Variants in FRMD4A observed in about 807,000 individuals in gnomAD.
FRMD4A encodes FERM domain-containing protein 4A.
FRMD4A carries 29 observed loss-of-function variants against 129.1 expected under a neutral mutation model. The ratio of observed to expected loss-of-function variants is 0.22; its 90% CI spans 0.17 to 0.31. The LOEUF (loss-of-function observed/expected upper bound fraction) is 0.31, where lower values mean the gene tolerates loss of function less well. Ranked by LOEUF, FRMD4A falls within the 10% of genes least tolerant of loss-of-function variation. The probability of loss-of-function intolerance (pLI) is 1.00; values close to 1 mark genes in which losing one functional copy is unlikely to be tolerated. For missense variants in FRMD4A, 1,272 were observed against 1,375.8 expected (o/e 0.92, Z 1.19); for synonymous variants, 634 against 571.6 (o/e 1.11, Z -1.56).
intron 2 of FRMD4A, among the ~76,000 whole-genome samples, chr10:14,309,772 G>A (rs981709878): frequency 5.3e-5 from 8 of 152,006 alleles, no homozygotes; most frequent in Admixed American, 3.3e-4. Context: ...ATCAGCCCAC[G>A]ACCATTTCCT....
At chr10:13,726,153 G>A (rs1432551866) in intron 12 of FRMD4A, among the ~76,000 whole-genome samples, 2 of 152,084 alleles carry the variant, frequency 1.3e-5, no homozygotes, top group Non-Finnish European at 2.9e-5. Context: ...ACACGCCCGT[G>A]GCTCCAGCTA....
chr10:13,824,976 A>G (rs2093680361), intron 3 of FRMD4A, among the ~76,000 whole-genome samples: 1 of 151,958 alleles, frequency 6.6e-6, no homozygotes, highest in Admixed American at 6.6e-5. Flanking sequence ...TATGCAAATG[A>G]CATCACACTT....
chr10:13,701,623 A>G, intron 13 of FRMD4A, 145 bp from the exon 14 acceptor site: 1 of 504,942 alleles, frequency 2.0e-6, no homozygotes, highest in South Asian at 2.5e-5. Context: ...ACCTAGGCGT[A>G]CACACACACA....
At chr10:14,005,006 A>ATTTC (rs200719267) in intron 2 of FRMD4A, among the ~76,000 whole-genome samples, 2,911 of 150,404 alleles carry the variant, frequency 0.019, 48 homozygotes, top group East Asian at 0.09. Context: ...GGCATTTTAT[A>ATTTC]TTTCTTTCTT....
chr10:13,699,111 A>G (rs1217185658), intron 14 of FRMD4A, among the ~76,000 whole-genome samples: 1 of 143,458 alleles, frequency 7.0e-6, no homozygotes, highest in African/African-American at 2.6e-5. Flanking sequence ...GCTGGAGTGC[A>G]GTGGTGTGAT....
intron 2 of FRMD4A, among the ~76,000 whole-genome samples, chr10:13,888,902 A>G (rs947320715): frequency 1.3e-5 from 2 of 152,268 alleles, no homozygotes; most frequent in Non-Finnish European, 2.9e-5. Context: ...TTTTCTTAAA[A>G]TATGCAAAAA....
intron 15 of FRMD4A, among the ~76,000 whole-genome samples, chr10:13,691,622 CAG>C (rs1260306713): frequency 1.3e-5 from 2 of 152,188 alleles, no homozygotes; most frequent in African/African-American, 4.8e-5. Context: ...CCCAGACCTA[CAG>C]AATCAGGAGC....
intron 5 of FRMD4A, among the ~76,000 whole-genome samples, chr10:13,786,192 G>A (rs950246499): frequency 3.1e-4 from 47 of 152,158 alleles, no homozygotes; most frequent in Admixed American, 5.2e-4. Flanking sequence ...TTGAGGAATC[G>A]CCACACTGTC....
intron 2 of FRMD4A, among the ~76,000 whole-genome samples, chr10:13,933,834 G>T (rs113725309): frequency 2.0e-5 from 3 of 152,304 alleles, no homozygotes; most frequent in East Asian, 1.9e-4. Flanking sequence ...AGACAAGCTG[G>T]CTAGGGGAGC....
chr10:14,059,199 C>T (rs566046186), intron 2 of FRMD4A, among the ~76,000 whole-genome samples: 1 of 152,256 alleles, frequency 6.6e-6, no homozygotes, highest in African/African-American at 2.4e-5. Flanking sequence ...AATAAAATCA[C>T]GTGGTTACTG....
At chr10:13,681,552 A>T (rs1175599482) in intron 15 of FRMD4A, among the ~76,000 whole-genome samples, 4 of 152,128 alleles carry the variant, frequency 2.6e-5, no homozygotes, top group Admixed American at 6.5e-5. Context: ...AGGCACATAT[A>T]TATATGTATG....
At chr10:13,691,318 A>G (rs574093152) in intron 15 of FRMD4A, among the ~76,000 whole-genome samples, 4 of 152,242 alleles carry the variant, frequency 2.6e-5, no homozygotes, top group Admixed American at 6.5e-5. Context: ...CATGATGTCA[A>G]TTTCATCTCA....
chr10:13,856,148 T>C (rs551762648), intron 3 of FRMD4A, among the ~76,000 whole-genome samples: 16 of 151,976 alleles, frequency 1.1e-4, no homozygotes, highest in Middle Eastern at 6.8e-3. Context: ...TCTCTCAGTG[T>C]GTAGATAGAT....
intron 24 of FRMD4A, among the ~76,000 whole-genome samples, chr10:13,650,901 G>C (rs1242999295): frequency 6.6e-6 from 1 of 152,010 alleles, no homozygotes; most frequent in Non-Finnish European, 1.5e-5. Context: ...GAACTCGAAA[G>C]TGACCCCCTC....
chr10:14,173,913 C>G (rs1158323909), intron 2 of FRMD4A, among the ~76,000 whole-genome samples: 1 of 151,926 alleles, frequency 6.6e-6, no homozygotes, highest in Non-Finnish European at 1.5e-5. Context: ...CAGCCTAGTT[C>G]TGAAATGAGA....
At chr10:14,020,994 A>T (rs1362836337) in intron 2 of FRMD4A, among the ~76,000 whole-genome samples, 1 of 152,142 alleles carries the variant, frequency 6.6e-6, no homozygotes, top group Non-Finnish European at 1.5e-5. Flanking sequence ...ACCCCTGGAC[A>T]CTTGCTCTAT....
At position 13,644,152 on chromosome 10, in the gene FRMD4A, A is replaced by T. The variant is rs1390325522; in HGVS notation, c.*2886T>A. ...CACTCACCTGCATATAATAAAATAA[A>T]AAATCAACCTGGCTCACAACATAGT... On this transcript the variant is annotated 3_prime_UTR_variant, in exon 25 of 25. Transcript: ENST00000357447. 1 of 152,492 alleles carries T rather than the reference A, an allele frequency of 6.6e-6. No homozygotes were observed. Among genetic ancestry groups the T allele is most frequent in the African/African-American group, 2.4e-5 (1 of 41,476 alleles). 9.4% of individuals were successfully genotyped at this position (152,492 alleles called of 1,614,324 possible). A position where few individuals can be genotyped will look rare whatever the true frequency, so the allele number is the denominator to read the frequency against.
At chr10:13,714,050 A>T (rs1292874185) in intron 12 of FRMD4A, among the ~76,000 whole-genome samples, 2 of 32,880 alleles carry the variant, frequency 6.1e-5, no homozygotes, top group African/African-American at 2.2e-4. Context: ...ATATATATAT[A>T]TATATATATA....
chr10:13,739,827 C>T (rs997020445), intron 11 of FRMD4A, among the ~76,000 whole-genome samples: 4 of 152,312 alleles, frequency 2.6e-5, no homozygotes, highest in South Asian at 2.1e-4. Flanking sequence ...GGGCCAGGCG[C>T]GGTGGCTCAC....
Sources: gnomAD v4.1 joint callset for allele counts (sites outside exome capture counted in the v4.1 genomes callset) on GRCh38, gnomAD v4.1.1 for gene constraint, MANE v1.5 for transcripts, NCBI Gene and HGNC (gene_info 2026-07-23, HGNC 2026-07-21) for gene names.